Variants in SAFB observed in about 807,000 individuals in gnomAD.
SAFB encodes the protein scaffold attachment factor B1.
Under a neutral mutation model 101.6 loss-of-function variants are expected in SAFB, and 15 were observed. The observed-to-expected ratio is 0.15, with a 90% CI of 0.10 to 0.23. The LOEUF (loss-of-function observed/expected upper bound fraction) is 0.23, where lower values mean the gene tolerates loss of function less well. Among genes scored for constraint, SAFB ranks in the 10% least tolerant of loss-of-function variants. The pLI is 1.00. For missense variants in SAFB, 930 were observed against 1,104.1 expected (o/e 0.84, Z 2.23); for synonymous variants, 449 against 407.5 (o/e 1.10, Z -1.23).
chr19:5,662,121 G>C (rs190651831), intron 15 of SAFB, among the ~76,000 whole-genome samples: 4 of 152,010 alleles, frequency 2.6e-5, no homozygotes, highest in African/African-American at 9.7e-5. Context: ...TCCTGACCTC[G>C]TGATCCACCT....
chr19:5,659,757 T>G (rs2054152572), intron 14 of SAFB, among the ~76,000 whole-genome samples: 1 of 151,310 alleles, frequency 6.6e-6, no homozygotes, highest in Admixed American at 6.6e-5. Flanking sequence ...AGGTGGCATT[T>G]CTGCTGGGGG....
At chr19:5,653,448 G>T in intron 11 of SAFB, 28 bp downstream of exon 11, 1 of 1,596,944 alleles carries the variant, frequency 6.3e-7, no homozygotes, top group East Asian at 2.2e-5. Context: ...CTAAATTAAA[G>T]GGGCAGGGTG....
At chr19:5,624,553 G>A (rs1290729187) in intron 1 of SAFB, among the ~76,000 whole-genome samples, 1 of 152,090 alleles carries the variant, frequency 6.6e-6, no homozygotes, top group African/African-American at 2.4e-5. Flanking sequence ...CCTCTCCCCT[G>A]TAGTTGCTCC....
chr19:5,667,003 G>T lies in SAFB; in HGVS notation c.2335-43G>T. The T allele has an allele frequency of 7.9e-7, 1 of 1,263,846 alleles. No homozygotes were observed. Among genetic ancestry groups the T allele is most frequent in the African/African-American group, 1.5e-5 (1 of 68,556 alleles). The allele number at this position is 1,263,846 out of a possible 1,614,324, so 78.3% of individuals were successfully genotyped here. On this transcript the variant is annotated intron_variant, in intron 17 of 20. Transcript: ENST00000588852. This position sits in a 1 kb window ranked among gnomAD's most constrained non-coding sequence, Gnocchi z 4.0. ...TGAAAAGCCTTGGGGTCTGGGCGCT[G>T]ACACTGAAGCTTTTTTTTCCCTTCT...
chr19:5,654,589 A>G, intron 13 of SAFB, 133 bp downstream of exon 13: 1 of 689,454 alleles, frequency 1.5e-6, no homozygotes, highest in Non-Finnish European at 2.6e-6. Context: ...AGAAATCTCA[A>G]ACTATTTTTT....
At chr19:5,646,538 G>C (rs747647243) in intron 5 of SAFB, among the ~76,000 whole-genome samples, 8 of 152,224 alleles carry the variant, frequency 5.3e-5, no homozygotes, top group Non-Finnish European at 8.8e-5. Context: ...TCTCTTTAGA[G>C]AAAATGAGGA....
chr19:5,664,125 G>A lies in SAFB; in HGVS notation c.2257G>A (p.Asp753Asn). ...QDRFHDFDHR[D>N]RGRYPDHSVD... ...CCGCTTCCACGACTTTGACCACAGG[G>A]ACCGCGGCCGCTACCCCGACCACTC... The change falls in exon 16 of 21, where the codon GAC becomes AAC. Residue 753 changes from aspartate to asparagine, a missense_variant. This residue lies in a region of SAFB where 318 missense variants were observed against 342.6 expected (regional missense o/e 0.93). Transcript: ENST00000588852. 6.2e-7 allele frequency: 1 copy of A among 1,613,972 alleles called. No individual in the cohort carries two copies. The highest frequency in any genetic ancestry group is 1.1e-5 in the South Asian group (1 of 91,084).
rs1390925149 is a variant in SAFB at position 5,667,234 on chromosome 19, T to C, written c.2453+70T>C. ...CAAGGGGGCCCGCAAGTCGCTGGGA[T>C]GTGGGCACAGGGTGGGAAACACAGA... On this transcript the variant is annotated intron_variant, in intron 18 of 20. Coordinates refer to ENST00000588852, the MANE Select transcript of SAFB (RefSeq NM_001201338.2). The surrounding 1 kb of genome is among the most constrained non-coding windows in gnomAD (Gnocchi z 4.0). The C allele has an allele frequency of 1.3e-5, 16 of 1,246,952 alleles. No individual in the cohort carries two copies. In the East Asian group the frequency reaches 3.8e-4, roughly 29 times the overall value. 77.2% of individuals were successfully genotyped at this position (1,246,952 alleles called of 1,614,324 possible).
At chr19:5,660,416 A>C (rs954259381) in intron 14 of SAFB, among the ~76,000 whole-genome samples, 6 of 132,520 alleles carry the variant, frequency 4.5e-5, no homozygotes, top group African/African-American at 1.4e-4. Flanking sequence ...TAAGTGGTGC[A>C]ATCATAGTTC....
In SAFB at chr19:5,653,255, C is replaced by G. The variant is rs369420491; in HGVS notation, c.1434C>G (p.Ser478=). 2.7e-5 allele frequency: 43 copies of G among 1,613,966 alleles called. No individual in the cohort carries two copies. Among genetic ancestry groups the G allele is most frequent in the Non-Finnish European group, 3.6e-5 (42 of 1,180,022 alleles). Residue 478 remains serine (S), a synonymous_variant, in exon 10 of 21, where the codon TCC becomes TCG. Coordinates refer to ENST00000588852, the MANE Select transcript of SAFB (RefSeq NM_001201338.2). ...CGGAGCTCCACGGAAAGATGATCTCCGTGGAGAAAGTGAGTGGCCGTTTTC... is the reference window on the plus strand; with the variant it reads ...CGGAGCTCCACGGAAAGATGATCTCGGTGGAGAAAGTGAGTGGCCGTTTTC... The part of the protein sequence containing the change: ...HKTELHGKMI[S]VEKAKNEPVG...
chr19:5,647,988 A>G, intron 5 of SAFB, 28 bp from the exon 6 acceptor site: 1 of 1,604,030 alleles, frequency 6.2e-7, no homozygotes, highest in East Asian at 2.2e-5. Flanking sequence ...TTCATCTGGC[A>G]CAGTCTTATT....
chr19:5,655,375 A>C (rs1253651792), intron 13 of SAFB, among the ~76,000 whole-genome samples: 1 of 150,368 alleles, frequency 6.7e-6, no homozygotes, highest in African/African-American at 2.5e-5. Flanking sequence ...GGAGAATGCC[A>C]CTTAAACCTG....
chr19:5,667,907 C>A lies in SAFB; in HGVS notation c.2624+21C>A. ...TCAGGGTAAGGCATGCTGGGGGCGG[C>A]GCCCCTTCCCCCTGCTTTGCATATT... On this transcript the variant is annotated intron_variant, in intron 20 of 20. Transcript: ENST00000588852. This position sits in a 1 kb window ranked among gnomAD's most constrained non-coding sequence, Gnocchi z 4.0. 6.3e-7 allele frequency: 1 copy of A among 1,582,624 alleles called. No individual in the cohort carries two copies. The highest frequency in any genetic ancestry group is 8.6e-7 in the Non-Finnish European group (1 of 1,164,234).
intron 2 of SAFB, among the ~76,000 whole-genome samples, chr19:5,639,396 A>G (rs892047376): frequency 3.5e-4 from 53 of 152,310 alleles, no homozygotes; most frequent in Admixed American, 3.3e-3. Flanking sequence ...GCTTGGCCAC[A>G]TAAGAGTGAA....
intron 9 of SAFB, among the ~76,000 whole-genome samples, chr19:5,651,639 G>A (rs2053940759): frequency 6.6e-6 from 1 of 152,108 alleles, no homozygotes; most frequent in Non-Finnish European, 1.5e-5. Context: ...TGGGGCTGGT[G>A]GCACCAGCCC....
At position 5,656,116 on chromosome 19, in the gene SAFB, G is replaced by A. The variant is rs118155309; in HGVS notation, c.1756-1125G>A. Among the ~76,000 whole-genome samples, 1,263 of 152,134 alleles carry A rather than the reference G, an allele frequency of 8.3e-3. 35 individuals carry two copies. The highest frequency in any genetic ancestry group is 0.052 in the Admixed American group (787 of 15,266). ...ATAAGCAAAATGTAAGGCTTGTTTGGATTAAACAGCTCATCTGTTTTTCAC... is the reference window on the plus strand; with the variant it reads ...ATAAGCAAAATGTAAGGCTTGTTTGAATTAAACAGCTCATCTGTTTTTCAC... On this transcript the variant is annotated intron_variant, in intron 13 of 20. Coordinates refer to ENST00000588852, the MANE Select transcript of SAFB (RefSeq NM_001201338.2).
rs1186162211 is a variant in SAFB, at chr19:5,649,264, G to A, written c.913G>A (p.Glu305Lys). The A allele has an allele frequency of 5.6e-6, 2 of 355,432 alleles. No individual in the cohort carries two copies. Among genetic ancestry groups the A allele is most frequent in the Non-Finnish European group, 4.7e-6 (1 of 214,298 alleles). 22.0% of individuals were successfully genotyped at this position (355,432 alleles called of 1,614,324 possible). The change falls in exon 7 of 21, where the codon GAG becomes AAG. Residue 305 changes from glutamate to lysine, a missense_variant. By Grantham distance (56) the Glu-to-Lys change is moderately conservative. Around this residue, in one of 7 missense-constraint regions of SAFB, gnomAD observed 130 missense variants for 114.2 expected, o/e 1.14. Coordinates refer to ENST00000588852, the MANE Select transcript of SAFB (RefSeq NM_001201338.2). Reference protein sequence around the residue: ...REPAEQPGDGERTDCEPVGLE... With the variant: ...REPAEQPGDGKRTDCEPVGLE... The stretch of plus-strand genomic sequence containing the variant: ...GCCCGCGGAGCAGCCAGGCGATGGC[G>A]AGAGGACGGACTGTGAGCCTGTAGG...
At chr19:5,666,702 G>A in intron 17 of SAFB, 1 of 356,950 alleles carries the variant, frequency 2.8e-6, no homozygotes, top group South Asian at 3.3e-5. Context: ...TTGGCTCTGG[G>A]AACTAACCAT....
intron 2 of SAFB, among the ~76,000 whole-genome samples, chr19:5,634,671 C>A (rs2053559170): frequency 6.6e-6 from 1 of 152,008 alleles, no homozygotes; most frequent in Admixed American, 6.6e-5. Flanking sequence ...TCTGACAAAT[C>A]AGTAAGGAAA....
Sources: allele counts gnomAD v4.1 joint callset (sites outside exome capture counted in the v4.1 genomes callset), GRCh38; gene constraint gnomAD v4.1.1; regional missense constraint gnomAD v4.1.1; non-coding constraint Gnocchi (gnomAD v3.1); transcripts MANE v1.5; gene names NCBI Gene and HGNC (gene_info 2026-07-23, HGNC 2026-07-21).